The following DPYSL2 variants were observed in gnomAD, a reference collection of about 807,000 sequenced individuals.
The protein encoded by DPYSL2 is dihydropyrimidinase like 2.
A neutral mutation model predicts 69.9 loss-of-function variants in DPYSL2; 13 were observed. That is an observed-to-expected ratio of 0.19 (90% CI 0.12 to 0.30). DPYSL2 has a LOEUF of 0.30. Ranked by LOEUF, DPYSL2 falls within the 10% of genes least tolerant of loss-of-function variation. The probability of loss-of-function intolerance (pLI) is 1.00; values close to 1 mark genes in which losing one functional copy is unlikely to be tolerated. For synonymous variants in DPYSL2, 326 were observed against 359.1 expected (o/e 0.91, Z 1.04); for missense variants, 587 against 918.9 (o/e 0.64, Z 4.67).
At chr8:26,578,136 A>G (rs1384621609) in intron 1 of DPYSL2, 11 of 1,577,044 alleles carry the variant, frequency 7.0e-6, no homozygotes, top group African/African-American at 6.9e-5. Flanking sequence ...AAGCGGTTGC[A>G]CCCTTTTCAA....
chr8:26,537,263 T>C (rs1288052549), intron 1 of DPYSL2, among the ~76,000 whole-genome samples: 1 of 152,180 alleles, frequency 6.6e-6, no homozygotes, highest in Non-Finnish European at 1.5e-5. Context: ...GAGGAATGGC[T>C]TTGACCCTCC....
chr8:26,555,238 A>C (rs1486099794), intron 1 of DPYSL2, among the ~76,000 whole-genome samples: 4 of 152,298 alleles, frequency 2.6e-5, no homozygotes, highest in Non-Finnish European at 4.4e-5. Context: ...TTAACATTGC[A>C]CTGAAATCCT....
Position 26,517,120 on chromosome 8 carries a change from T to C in DPYSL2, c.354+2441T>C, listed in dbSNP as rs976740954. Among the ~76,000 whole-genome samples the C allele has an allele frequency of 1.1e-4, 17 of 152,160 alleles. No homozygotes were observed. Among genetic ancestry groups the C allele is most frequent in the Non-Finnish European group, 1.8e-4 (12 of 68,012 alleles). Reference sequence around the variant, plus strand: ...CTGGGACCCTGACTCACACCATCCCTCCTCTCTTGCAGCTTTATTTATGTG... The same window carrying C: ...CTGGGACCCTGACTCACACCATCCCCCCTCTCTTGCAGCTTTATTTATGTG... On this transcript the variant is annotated intron_variant, in intron 1 of 13. Coordinates refer to ENST00000521913, the MANE Select transcript of DPYSL2 (RefSeq NM_001197293.3). The surrounding 1 kb of genome is among the most constrained non-coding windows in gnomAD (Gnocchi z 4.2).
At chr8:26,536,184 C>T (rs1056372166) in intron 1 of DPYSL2, among the ~76,000 whole-genome samples, 3 of 150,942 alleles carry the variant, frequency 2.0e-5, no homozygotes, top group Non-Finnish European at 4.4e-5. Context: ...AAGTAATCCT[C>T]CTGCCTCGAC....
At position 26,514,314 on chromosome 8, in the gene DPYSL2, A is replaced by C. The variant is rs1253558233; in HGVS notation, c.-12A>C. ...GGACGGACGGCGAGGACCCTACCCG[A>C]GCCCCCGAGCCATGGCCGAGAGAAA... On this transcript the variant is annotated 5_prime_UTR_variant, in exon 1 of 14. Coordinates refer to ENST00000521913, the MANE Select transcript of DPYSL2 (RefSeq NM_001197293.3). The surrounding 1 kb of genome is among the most constrained non-coding windows in gnomAD (Gnocchi z 8.4). 6.9e-7 allele frequency: 1 copy of C among 1,439,388 alleles called. No homozygotes were observed. The highest frequency in any genetic ancestry group is 2.7e-5 in the East Asian group (1 of 37,424). 89.2% of individuals were successfully genotyped at this position (1,439,388 alleles called of 1,614,324 possible).
Position 26,626,801 on chromosome 8 carries a change from T to A in DPYSL2, c.855+123T>A. 1 of 1,010,704 alleles carries A rather than the reference T, an allele frequency of 9.9e-7. No homozygotes were observed. The highest frequency in any genetic ancestry group is 1.5e-6 in the Non-Finnish European group (1 of 668,838). 62.6% of individuals were successfully genotyped at this position (1,010,704 alleles called of 1,614,324 possible). ...AGCTTCCTGGGAAGTGGCTGGTGGA[T>A]GCAGTTACTGATGTAACTGAGCCTT... On this transcript the variant is annotated intron_variant, in intron 5 of 13. Coordinates refer to ENST00000521913, the MANE Select transcript of DPYSL2 (RefSeq NM_001197293.3). This position sits in a 1 kb window ranked among gnomAD's most constrained non-coding sequence, Gnocchi z 4.3.
chr8:26,537,819 T>C (rs1469069664), intron 1 of DPYSL2, among the ~76,000 whole-genome samples: 1 of 152,222 alleles, frequency 6.6e-6, no homozygotes, highest in Admixed American at 6.5e-5. Flanking sequence ...TGTTCAAATT[T>C]CACCAATTAT....
intron 3 of DPYSL2, among the ~76,000 whole-genome samples, chr8:26,600,922 ATAGGTG>A (rs765518855): frequency 2.0e-5 from 3 of 152,154 alleles, no homozygotes; most frequent in Non-Finnish European, 4.4e-5. Flanking sequence ...GGGTGGGCAG[ATAGGTG>A]GTTCCATGCT....
At chr8:26,596,586 A>T (rs950891340) in intron 3 of DPYSL2, among the ~76,000 whole-genome samples, 1 of 152,240 alleles carries the variant, frequency 6.6e-6, no homozygotes, top group African/African-American at 2.4e-5. Flanking sequence ...GAGGGAGCAG[A>T]TAATTGATAT....
rs1028670835 is a variant in DPYSL2, at chr8:26,653,927, T to C, written c.1942+530T>C. On this transcript the variant is annotated intron_variant, in intron 13 of 13. Coordinates refer to ENST00000521913, the MANE Select transcript of DPYSL2 (RefSeq NM_001197293.3). The surrounding 1 kb of genome is among the most constrained non-coding windows in gnomAD (Gnocchi z 5.7). ...TTCAGAATCTTGAGATCAGTTTGTGTCACACAATGCCCATACTGTGTTTTA... is the reference window on the plus strand; with the variant it reads ...TTCAGAATCTTGAGATCAGTTTGTGCCACACAATGCCCATACTGTGTTTTA... 4.6e-5 allele frequency among the ~76,000 whole-genome samples: 7 copies of C among 152,232 alleles called. No individual in the cohort carries two copies. Among genetic ancestry groups the C allele is most frequent in the African/African-American group, 1.7e-4 (7 of 41,460 alleles).
intron 3 of DPYSL2, among the ~76,000 whole-genome samples, chr8:26,600,054 G>A (rs1467039240): frequency 2.6e-5 from 4 of 152,174 alleles, no homozygotes; most frequent in Admixed American, 6.5e-5. Context: ...TTAGCATAAT[G>A]TTTTCAAGGT....
chr8:26,531,653 G>A (rs542950727), intron 1 of DPYSL2, among the ~76,000 whole-genome samples: 6 of 152,328 alleles, frequency 3.9e-5, no homozygotes, highest in African/African-American at 1.4e-4. Flanking sequence ...TGGCCCAGAG[G>A]ACTGGTGAAA....
intron 3 of DPYSL2, among the ~76,000 whole-genome samples, chr8:26,612,976 G>A (rs1802268152): frequency 6.6e-6 from 1 of 152,208 alleles, no homozygotes; most frequent in Admixed American, 6.5e-5. Flanking sequence ...ATGAGATAAG[G>A]TACGTGATAA....
intron 1 of DPYSL2, among the ~76,000 whole-genome samples, chr8:26,555,291 T>G (rs1054892447): frequency 2.0e-5 from 3 of 152,004 alleles, no homozygotes; most frequent in Non-Finnish European, 4.4e-5. Context: ...GGTATATAGA[T>G]TAGGAAGGAA....
Position 26,582,415 on chromosome 8 carries a change from G to A in DPYSL2, c.443+358G>A, listed in dbSNP as rs750039854. Among the ~76,000 whole-genome samples, 3 of 152,194 alleles carry A rather than the reference G, an allele frequency of 2.0e-5. No homozygotes were observed. The highest frequency in any genetic ancestry group is 7.2e-5 in the African/African-American group (3 of 41,444). Reference sequence around the variant, plus strand: ...GTTTGGGTTGGATTGCCCAAAGGACGCAAACGTGAAAGACAGTCTCCTCTA... The same window carrying A: ...GTTTGGGTTGGATTGCCCAAAGGACACAAACGTGAAAGACAGTCTCCTCTA... On this transcript the variant is annotated intron_variant, in intron 2 of 13. Transcript: ENST00000521913. The surrounding 1 kb of genome is among the most constrained non-coding windows in gnomAD (Gnocchi z 4.1).
intron 1 of DPYSL2, among the ~76,000 whole-genome samples, chr8:26,579,946 T>A (rs866169727): frequency 2.6e-4 from 14 of 53,218 alleles, no homozygotes; most frequent in East Asian, 1.9e-3. Flanking sequence ...TTTTTTTTTT[T>A]AAAGAGCGCC....
chr8:26,627,846 A>G lies in DPYSL2; in HGVS notation c.937-26A>G. ...CTGTGCAAAATCCACTCTCCCTCAC[A>G]GCCTGACTTTCTCTAAACATTGCAG... On this transcript the variant is annotated intron_variant, in intron 6 of 13. Transcript: ENST00000521913. This position sits in a 1 kb window ranked among gnomAD's most constrained non-coding sequence, Gnocchi z 6.9. 2 of 1,612,110 alleles carry G rather than the reference A, an allele frequency of 1.2e-6. No individual in the cohort carries two copies. The highest frequency in any genetic ancestry group is 2.2e-5 in the East Asian group (1 of 44,816).
intron 1 of DPYSL2, among the ~76,000 whole-genome samples, chr8:26,563,007 T>C (rs181376380): frequency 6.6e-6 from 1 of 152,306 alleles, no homozygotes; most frequent in East Asian, 1.9e-4. Flanking sequence ...TAGCTGGATT[T>C]CCCACACCTG....
At position 26,560,623 on chromosome 8, in the gene DPYSL2, T is replaced by C. The variant is rs1801056256; in HGVS notation, c.355-21346T>C. ...TAATGGGTCTTGGTGATACCCAATA[T>C]CTCACTTGAACCAGGTTCATCTCTA... On this transcript the variant is annotated intron_variant, in intron 1 of 13. Transcript: ENST00000521913. The surrounding 1 kb of genome is among the most constrained non-coding windows in gnomAD (Gnocchi z 4.4). 6.6e-6 allele frequency among the ~76,000 whole-genome samples: 1 copy of C among 152,166 alleles called. No individual in the cohort carries two copies. The highest frequency in any genetic ancestry group is 2.4e-5 in the African/African-American group (1 of 41,442).
Sources: gnomAD v4.1 joint callset for allele counts (sites outside exome capture counted in the v4.1 genomes callset) on GRCh38, gnomAD v4.1.1 for gene constraint, Gnocchi (gnomAD v3.1) non-coding constraint, MANE v1.5 for transcripts, NCBI Gene and HGNC (gene_info 2026-07-23, HGNC 2026-07-21) for gene names.